Variants in SPATA1 observed in about 807,000 individuals in gnomAD.
SPATA1 encodes spermatogenesis-associated protein 1.
SPATA1 carries 57 observed loss-of-function variants against 59.6 expected under a neutral mutation model. The ratio of observed to expected loss-of-function variants is 0.96; its 90% CI spans 0.77 to 1.19. The LOEUF (loss-of-function observed/expected upper bound fraction) is 1.19, where lower values mean the gene tolerates loss of function less well. Ranked by LOEUF, SPATA1 falls within the 50% of genes most tolerant of loss-of-function variation. SPATA1 has a pLI of 0.00. For missense variants in SPATA1, 448 were observed against 480.7 expected, an observed-to-expected ratio of 0.93 and a Z score of 0.64; for synonymous variants, 147 against 163.9, an observed-to-expected ratio of 0.90 and a Z score of 0.79.
rs779868360 is a variant in SPATA1 at position 84,522,360 on chromosome 1, A to G, written c.144-30A>G. 14 of 1,289,798 alleles carry G rather than the reference A, an allele frequency of 1.1e-5. No individual in the cohort carries two copies. The Middle Eastern group carries it at 6.4e-4, about 59-fold the overall frequency. 79.9% of individuals were successfully genotyped at this position (1,289,798 alleles called of 1,614,324 possible). A position where few individuals can be genotyped will look rare whatever the true frequency, so the allele number is the denominator to read the frequency against. On this transcript the variant is annotated intron_variant, in intron 3 of 12. Transcript: ENST00000490879. ...GTATATCCAAAATCTATTTCATTTT[A>G]TATTATAAGGCAATTTTATAATATT... is the stretch of plus-strand genomic sequence containing the variant.
At chr1:84,529,512 G>A (rs1292062502) in intron 6 of SPATA1, among the ~76,000 whole-genome samples, 1 of 150,586 alleles carries the variant, frequency 6.6e-6, no homozygotes, top group African/African-American at 2.4e-5. Context: ...CTTCTGAAAC[G>A]TGACATTTTA....
At chr1:84,535,380 TA>T (rs2101978498) in intron 8 of SPATA1, among the ~76,000 whole-genome samples, 1 of 152,292 alleles carries the variant, frequency 6.6e-6, no homozygotes, top group East Asian at 1.9e-4. Flanking sequence ...ACCAAAAGAC[TA>T]CTGGAATTTT....
downstream of SPATA1, chr1:84,554,568 T>G: frequency 6.3e-6 from 1 of 158,178 alleles, no homozygotes; most frequent in Non-Finnish European, 1.4e-5. Context: ...TATTGGAGGG[T>G]TGGGGGAAAA....
In SPATA1 at chr1:84,511,471, AAAAC is replaced by A. The variant is rs1482833994; in HGVS notation, c.-137-4747_-137-4744del. Reference sequence around the variant, plus strand: ...TTTGTCAACACTAGGACGTGTCTAGAAAACAAACCTCATTCCTCAATTGGCTCTA... The same window carrying A: ...TTTGTCAACACTAGGACGTGTCTAGAAAACCTCATTCCTCAATTGGCTCTA... On this transcript the variant is annotated intron_variant, in intron 1 of 12. Transcript: ENST00000490879. Among the ~76,000 whole-genome samples, 20 of 152,260 alleles carry A rather than the reference AAAAC, an allele frequency of 1.3e-4. No homozygotes were observed. In the South Asian group the frequency reaches 3.9e-3, roughly 30 times the overall value.
chr1:84,556,837 C>A (rs1684445958), downstream of SPATA1, among the ~76,000 whole-genome samples: 1 of 151,960 alleles, frequency 6.6e-6, no homozygotes, highest in African/African-American at 2.4e-5. Flanking sequence ...TCTTATATTC[C>A]ATTCTTTAAC....
chr1:84,567,172 A>T (rs949128831), downstream of SPATA1, among the ~76,000 whole-genome samples: 4 of 152,174 alleles, frequency 2.6e-5, no homozygotes, highest in Non-Finnish European at 5.9e-5. Flanking sequence ...TCTTTTTAGG[A>T]CTTCTTCAAA....
chr1:84,545,685 TG>T lies in SPATA1; in HGVS notation c.874del (p.Glu292LysfsTer7). ...CAAGTAAAGGAAGAAAGAAGGTATC[TG>T]GAAAGAAATAGAGAAGAACTAGTAA... On this transcript the variant is annotated frameshift_variant, in exon 10 of 13. Transcript: ENST00000490879. LOFTEE classifies it high-confidence loss of function. 1 of 1,536,854 alleles carries T rather than the reference TG, an allele frequency of 6.5e-7. No individual in the cohort carries two copies. The highest frequency in any genetic ancestry group is 1.3e-5 in the South Asian group (1 of 75,620).
chr1:84,535,404 C>T (rs1021902400), intron 8 of SPATA1, among the ~76,000 whole-genome samples: 7 of 152,086 alleles, frequency 4.6e-5, no homozygotes, highest in African/African-American at 1.2e-4. Flanking sequence ...GTGAAATCAC[C>T]GTGAATCTGT....
At chr1:84,550,164 C>T (rs1262586124) in intron 11 of SPATA1, 2 of 219,778 alleles carry the variant, frequency 9.1e-6, no homozygotes, top group East Asian at 1.7e-4. Context: ...TTGCTAATAA[C>T]TAAGATATTA....
At chr1:84,557,533 C>CAAAAAAAAAAAAAAAA (rs56101174), downstream of SPATA1, among the ~76,000 whole-genome samples, 6 of 55,420 alleles carry the variant, frequency 1.1e-4, no homozygotes, top group East Asian at 6.9e-4. Flanking sequence ...AACTCCATCT[C>CAAAAAAAAAAAAAAAA]AAAAAAAAAA....
rs1027191423 is a variant in SPATA1 at position 84,563,925 on chromosome 1, A to G, written n.443-1936A>G. 2.6e-5 allele frequency: 35 copies of G among 1,368,574 alleles called. No individual in the cohort carries two copies. The African/African-American group carries it at 4.6e-4, about 18-fold the overall frequency. 84.8% of individuals were successfully genotyped at this position (1,368,574 alleles called of 1,614,324 possible). ...GCAACCGTTCAGAATCTGTTTGTAA[A>G]AACAAGTACATTTATAAAAAACACT... On this transcript the variant is annotated intron_variant and non_coding_transcript_variant, in intron 4 of 4. Transcript: ENST00000460286.
At chr1:84,550,192 G>A (rs1383283396) in intron 11 of SPATA1, 2 of 278,598 alleles carry the variant, frequency 7.2e-6, no homozygotes, top group East Asian at 1.2e-4. Context: ...CATAGTAATA[G>A]TTGTTGGTTT....
At chr1:84,541,801 C>T (rs1570441947) in intron 8 of SPATA1, among the ~76,000 whole-genome samples, 1 of 152,028 alleles carries the variant, frequency 6.6e-6, no homozygotes, top group East Asian at 1.9e-4. Flanking sequence ...TGTTTATTTG[C>T]GTTGGATTTT....
At chr1:84,506,591 T>A (rs1682256715) in intron 1 of SPATA1, 173 bp downstream of exon 1, 1 of 153,014 alleles carries the variant, frequency 6.5e-6, no homozygotes. Context: ...GGGGAGATAC[T>A]GGGTGAGGCG....
downstream of SPATA1, among the ~76,000 whole-genome samples, chr1:84,558,020 G>A (rs3096444): frequency 0.018 from 2,735 of 152,228 alleles, 74 homozygotes; most frequent in African/African-American, 0.061. Context: ...GAGGCTGGGG[G>A]TGGGAAGAAT....
chr1:84,552,732 A>C (rs375491056), intron 12 of SPATA1: 8 of 202,790 alleles, frequency 3.9e-5, no homozygotes, highest in African/African-American at 1.8e-4. Flanking sequence ...CAGGTTTTGA[A>C]GTTTAAGCAA....
At chr1:84,564,060 C>T (rs1684644622) in intron 4 of SPATA1, 3 of 168,042 alleles carry the variant, frequency 1.8e-5, no homozygotes, top group African/African-American at 7.2e-5. Flanking sequence ...CAATTAAGAT[C>T]ATACTGAAAT....
At chr1:84,511,703 CAG>C (rs1682568010) in intron 1 of SPATA1, among the ~76,000 whole-genome samples, 1 of 84,836 alleles carries the variant, frequency 1.2e-5, no homozygotes, top group Non-Finnish European at 2.1e-5. Flanking sequence ...TTTTTTGAGA[CAG>C]AGTTTTGCTC....
At chr1:84,550,992 T>C in intron 12 of SPATA1, 1 of 984,802 alleles carries the variant, frequency 1.0e-6, no homozygotes. Context: ...GTTTCCTTCC[T>C]GGCAGAGACT....
Sources: allele counts gnomAD v4.1 joint callset (sites outside exome capture counted in the v4.1 genomes callset), GRCh38; gene constraint gnomAD v4.1.1; transcripts MANE v1.5; gene names NCBI Gene and HGNC (gene_info 2026-07-23, HGNC 2026-07-21).